The following FN1 variants were observed in gnomAD, a reference collection of about 807,000 sequenced individuals.
FN1 encodes the protein fibronectin 1.
FN1 carries 106 observed loss-of-function variants against 297.3 expected under a neutral mutation model. The observed-to-expected ratio is 0.36, with a 90% CI of 0.30 to 0.42. The LOEUF (loss-of-function observed/expected upper bound fraction) is 0.42. FN1 is among the 10% of genes least tolerant of loss of function. The pLI, the probability that FN1 is intolerant of heterozygous loss-of-function variation, is 1.00. For synonymous variants in FN1, 1,149 were observed against 1,152.6 expected (o/e 1.00, Z 0.06); for missense variants, 2,690 against 3,124.9 (o/e 0.86, Z 3.32).
At position 215,365,809 on chromosome 2, in the gene FN1, T is replaced by A. The variant is rs563110837; in HGVS notation, c.7019-179A>T. On this transcript the variant is annotated intron_variant, in intron 42 of 45. Transcript: ENST00000354785. Reference sequence around the variant, plus strand: ...TTTATTTATTTATTTACTTTTTATTTTTTTTTTTTTTTTTGAGACAAAGTC... The same window carrying A: ...TTTATTTATTTATTTACTTTTTATTATTTTTTTTTTTTTTGAGACAAAGTC... 8.2e-4 allele frequency: 133 copies of A among 161,792 alleles called. No individual in the cohort carries two copies. In the African/African-American group the frequency reaches 8.5e-3, roughly 10 times the overall value. 10.0% of individuals were successfully genotyped at this position (161,792 alleles called of 1,614,324 possible). A position where few individuals can be genotyped will look rare whatever the true frequency, so the allele number is the denominator to read the frequency against.
intron 24 of FN1, among the ~76,000 whole-genome samples, chr2:215,394,136 G>C (rs1372496848): frequency 6.6e-6 from 1 of 152,236 alleles, no homozygotes; most frequent in Non-Finnish European, 1.5e-5. Context: ...GTTGGAAATT[G>C]ATATGGATTG....
intron 26 of FN1, among the ~76,000 whole-genome samples, chr2:215,388,897 GCA>G (rs1183589794): frequency 6.6e-6 from 1 of 151,914 alleles, no homozygotes; most frequent in East Asian, 1.9e-4. Flanking sequence ...AAAAACTGAG[GCA>G]CAGAGAAGTT....
chr2:215,364,917 C>CG lies in FN1; in HGVS notation c.7212dup (p.Gly2405ArgfsTer18). 1 of 1,572,742 alleles carries CG rather than the reference C, an allele frequency of 6.4e-7. No individual in the cohort carries two copies. The highest frequency in any genetic ancestry group is 8.6e-7 in the Non-Finnish European group (1 of 1,157,946). Reference sequence around the variant, plus strand: ...AAGCATGTGCAGGAGCAAATGGCACCGAGATATTCCTTCTGCCACTGTTCT... The same window carrying CG: ...AAGCATGTGCAGGAGCAAATGGCACCGGAGATATTCCTTCTGCCACTGTTCT... On this transcript the variant is annotated frameshift_variant, in exon 44 of 46. Coordinates refer to ENST00000354785, the MANE Select transcript of FN1 (RefSeq NM_212482.4). LOFTEE classifies it high-confidence loss of function.
At chr2:215,365,840 C>A in intron 42 of FN1, 1 of 237,190 alleles carries the variant, frequency 4.2e-6, no homozygotes, top group Non-Finnish European at 7.8e-6. Flanking sequence ...AAGTCTTTCT[C>A]TGTCGCCCAG....
chr2:215,362,761 A>G (rs1262011198), intron 44 of FN1: 1 of 153,640 alleles, frequency 6.5e-6, no homozygotes, highest in East Asian at 1.9e-4. Flanking sequence ...GAGGACACAC[A>G]TGTTCTCTTT....
At chr2:215,361,732 G>T in intron 45 of FN1, 106 bp from the exon 46 acceptor site, 1 of 1,030,594 alleles carries the variant, frequency 9.7e-7, no homozygotes, top group Non-Finnish European at 1.5e-6. Context: ...TTATAGATAG[G>T]ATAATATTTC....
intron 28 of FN1, 138 bp downstream of exon 28, chr2:215,386,551 T>G (rs2059018683): frequency 1.3e-6 from 1 of 741,874 alleles, no homozygotes; most frequent in African/African-American, 1.8e-5. Context: ...CCTCTCCATG[T>G]ACCATGACAA....
chr2:215,364,963 A>C lies in FN1; in HGVS notation c.7167T>G (p.Asp2389Glu), dbSNP rs755041976. Residue 2389 changes from aspartate (D) to glutamate (E), a missense_variant, in exon 44 of 46, where the codon GAT (aspartate) becomes GAG (glutamate). By Grantham distance (45) the Asp-to-Glu change is conservative (BLOSUM62 2). Coordinates refer to ENST00000354785, the MANE Select transcript of FN1 (RefSeq NM_212482.4). The stretch of plus-strand genomic sequence containing the variant: ...GTTCTCCTACGTGGTATGTCTTCCC[A>C]TCATCATAACACGTTGCCTCATCTG... ...CDPHEATCYD[D>E]GKTYHVGEQW... 1.3e-5 allele frequency: 20 copies of C among 1,579,844 alleles called. No individual in the cohort carries two copies. The highest frequency in any genetic ancestry group is 1.7e-5 in the Non-Finnish European group (20 of 1,161,424).
intron 32 of FN1, chr2:215,381,370 A>G: frequency 2.2e-6 from 1 of 448,088 alleles, no homozygotes. Flanking sequence ...TTCTACCACG[A>G]TTTGATTTTT....
intron 25 of FN1, chr2:215,392,392 T>C (rs1016214471): frequency 5.4e-6 from 1 of 184,996 alleles, no homozygotes; most frequent in Non-Finnish European, 1.1e-5. Context: ...GGTGTTTCTT[T>C]ACCTAGTGAC....
chr2:215,386,781 G>C lies in FN1; in HGVS notation c.4520C>G (p.Thr1507Ser). The change falls in exon 28 of 46, where the codon ACC becomes AGC. Residue 1507 changes from threonine (T) to serine (S), a missense_variant. Around this residue, in one of 3 missense-constraint regions of FN1, gnomAD observed 1,743 missense variants for 1,945.2 expected, o/e 0.90. Coordinates refer to ENST00000354785, the MANE Select transcript of FN1 (RefSeq NM_212482.4). The part of the protein sequence containing the change: ...VPHSRNSITL[T>S]NLTPGTEYVV... ...ATACTCTGTGCCTGGAGTGAGGTTG[G>C]TGAGGGTGATGGAATTCCGAGAGTG... is the stretch of plus-strand genomic sequence containing the variant. 1 of 1,614,000 alleles carries C rather than the reference G, an allele frequency of 6.2e-7. No homozygotes were observed. Among genetic ancestry groups the C allele is most frequent in the Non-Finnish European group, 8.5e-7 (1 of 1,179,998 alleles).
In FN1 at chr2:215,399,366, C is replaced by T; in HGVS notation, c.3254-15G>A. The T allele has an allele frequency of 1.9e-6, 3 of 1,562,748 alleles. No homozygotes were observed. Among genetic ancestry groups the T allele is most frequent in the Non-Finnish European group, 2.6e-6 (3 of 1,133,256 alleles). On this transcript the variant is annotated splice_polypyrimidine_tract_variant and intron_variant, in intron 20 of 45. Transcript: ENST00000354785. ...CCCAGGCTGCACTGTGAGAGAGAAT[C>T]AATGCACATATTCAAAACTCAAACT...
At chr2:215,424,441 T>C (rs2064982024) in intron 7 of FN1, 116 bp from the exon 8 acceptor site, 2 of 773,476 alleles carry the variant, frequency 2.6e-6, no homozygotes, top group South Asian at 1.7e-5. Flanking sequence ...GAAGAAGCTA[T>C]GAGTATAGAT....
Position 215,386,761 on chromosome 2 carries a change from C to T in FN1, c.4540G>A (p.Glu1514Lys). Reference protein sequence around the residue: ...ITLTNLTPGTEYVVSIVALNG... With the variant: ...ITLTNLTPGTKYVVSIVALNG... ...AGAGCAACGATGCTGACCACATACTCTGTGCCTGGAGTGAGGTTGGTGAGG... is the reference window on the plus strand; with the variant it reads ...AGAGCAACGATGCTGACCACATACTTTGTGCCTGGAGTGAGGTTGGTGAGG... Residue 1514 changes from glutamate (E) to lysine (K), a missense_variant, in exon 28 of 46, where the codon GAG becomes AAG. Glu to Lys is a moderately conservative substitution (Grantham distance 56). This residue lies in a region of FN1 where 1,743 missense variants were observed against 1,945.2 expected (regional missense o/e 0.90). Transcript: ENST00000354785. The T allele has an allele frequency of 1.2e-6, 2 of 1,613,952 alleles. No individual in the cohort carries two copies. Among genetic ancestry groups the T allele is most frequent in the Non-Finnish European group, 1.7e-6 (2 of 1,179,966 alleles).
intron 36 of FN1, 107 bp from the exon 37 acceptor site, chr2:215,375,825 T>C (rs1030020234): frequency 1.3e-5 from 10 of 742,852 alleles, no homozygotes; most frequent in East Asian, 5.2e-5. Context: ...CATATTTATA[T>C]AGACTACCAA....
chr2:215,392,511 T>G, intron 25 of FN1: 1 of 246,834 alleles, frequency 4.1e-6, no homozygotes, highest in Non-Finnish European at 8.0e-6. Context: ...AGAAGGAGCA[T>G]GGTAGAGTTT....
Position 215,428,255 on chromosome 2 carries a change from G to C in FN1, c.769C>G (p.Gln257Glu). 6.2e-7 allele frequency: 1 copy of C among 1,614,176 alleles called. No homozygotes were observed. Residue 257 changes from glutamine to glutamate, a missense_variant, in exon 6 of 46, where the codon CAG (glutamine) becomes GAG (glutamate). Transcript: ENST00000354785. ...SKKDNRGNLL[Q>E]CICTGNGRGE... is the part of the protein sequence containing the mutation. ...CGGCCGTTGCCTGTGCAGATGCACT[G>C]GAGCAGGTTTCCTCGATTATCCTTC...
chr2:215,385,251 A>T (rs1162247832), intron 28 of FN1, among the ~76,000 whole-genome samples: 1 of 10,822 alleles, frequency 9.2e-5, no homozygotes, highest in East Asian at 0.031. Flanking sequence ...GAAAAGTTAA[A>T]AAAAAAAAAA....
At chr2:215,395,199 A>C (rs1210847128) in intron 23 of FN1, among the ~76,000 whole-genome samples, 1 of 152,158 alleles carries the variant, frequency 6.6e-6, no homozygotes, top group Non-Finnish European at 1.5e-5. Flanking sequence ...CCTAATTTAA[A>C]AGGTCTGAAA....
Sources: gnomAD v4.1 joint callset for allele counts (sites outside exome capture counted in the v4.1 genomes callset) on GRCh38, gnomAD v4.1.1 for gene constraint, gnomAD v4.1.1 regional missense constraint, MANE v1.5 for transcripts, NCBI Gene and HGNC (gene_info 2026-07-23, HGNC 2026-07-21) for gene names.